B4GALT1: variants seen among roughly 807,000 people sequenced by gnomAD.
The protein encoded by B4GALT1 is N-acetyllactosamine synthase.
A neutral mutation model predicts 34.9 loss-of-function variants in B4GALT1; 16 were observed. The observed-to-expected ratio is 0.46, with a 90% CI of 0.31 to 0.70. The LOEUF (loss-of-function observed/expected upper bound fraction) is 0.70, where lower values mean the gene tolerates loss of function less well. Ranked by LOEUF, B4GALT1 falls within the 30% of genes least tolerant of loss-of-function variation. The pLI is 0.05. For synonymous variants in B4GALT1, 221 were observed against 218.1 expected, an observed-to-expected ratio of 1.01 and a Z score of -0.12; for missense variants, 445 against 530.5, an observed-to-expected ratio of 0.84 and a Z score of 1.58.
intron 1 of B4GALT1, among the ~76,000 whole-genome samples, chr9:33,135,890 A>AGTGTGT (rs112875696): frequency 0.043 from 4,442 of 104,028 alleles, 110 homozygotes; most frequent in Non-Finnish European, 0.06. Context: ...TAACTGGGGA[A>AGTGTGT]GTGTGTGTGT....
chr9:33,135,505 G>A, intron 1 of B4GALT1, 81 bp from the exon 2 acceptor site: 5 of 1,327,878 alleles, frequency 3.8e-6, no homozygotes, highest in Non-Finnish European at 5.3e-6. Context: ...TGGCCAGGCT[G>A]CAGCTGCAGC....
intron 3 of B4GALT1, 87 bp downstream of exon 3, chr9:33,120,332 G>A (rs2118054087): frequency 1.4e-6 from 2 of 1,453,848 alleles, no homozygotes; most frequent in South Asian, 1.1e-5. Flanking sequence ...AGCTTAAAGA[G>A]GCACTCTTGA....
At chr9:33,150,300 T>C (rs974364285) in intron 1 of B4GALT1, among the ~76,000 whole-genome samples, 3 of 136,230 alleles carry the variant, frequency 2.2e-5, no homozygotes, top group African/African-American at 8.2e-5. Context: ...AAGGAAAAAG[T>C]AAATATAGTA....
intron 1 of B4GALT1, among the ~76,000 whole-genome samples, chr9:33,147,308 T>G (rs1215182835): frequency 1.3e-5 from 2 of 150,544 alleles, no homozygotes; most frequent in African/African-American, 4.9e-5. Context: ...TGGAGTGCAA[T>G]GTGCCATCCC....
intron 1 of B4GALT1, among the ~76,000 whole-genome samples, chr9:33,135,890 A>AGAGTGTGTGTGTGT (rs1554686806): frequency 2.4e-4 from 25 of 104,154 alleles, no homozygotes; most frequent in East Asian, 1.7e-3. Context: ...TAACTGGGGA[A>AGAGTGTGTGTGTGT]GTGTGTGTGT....
rs756010251 is a variant in B4GALT1, at chr9:33,113,616, C to CT, written c.1065-31dup. The CT allele has an allele frequency of 3.7e-5, 60 of 1,614,046 alleles. No individual in the cohort carries two copies. In the East Asian group the frequency reaches 1.2e-3, roughly 32 times the overall value. On this transcript the variant is annotated intron_variant, in intron 5 of 5. Transcript: ENST00000379731. ...AAGGAAAAGAGCACAAGGAGATTGT[C>CT]TTAAAACAAAAATCTTAAGAAGAAA...
intron 1 of B4GALT1, among the ~76,000 whole-genome samples, chr9:33,137,426 C>T (rs938442625): frequency 6.6e-6 from 1 of 152,182 alleles, no homozygotes; most frequent in African/African-American, 2.4e-5. Flanking sequence ...TCTGGTCATG[C>T]ACCTCCCTCC....
At chr9:33,144,940 C>T (rs529207962) in intron 1 of B4GALT1, among the ~76,000 whole-genome samples, 1 of 152,288 alleles carries the variant, frequency 6.6e-6, no homozygotes, top group South Asian at 2.1e-4. Flanking sequence ...GAGCTGGGAG[C>T]CATCTTGCCT....
chr9:33,162,390 C>A (rs569426745), intron 1 of B4GALT1, among the ~76,000 whole-genome samples: 1 of 152,128 alleles, frequency 6.6e-6, no homozygotes, highest in Non-Finnish European at 1.5e-5. Context: ...ATTAAGAGTT[C>A]CTGAAGAGGA....
chr9:33,117,924 C>T (rs988032132), intron 3 of B4GALT1, among the ~76,000 whole-genome samples: 1 of 152,200 alleles, frequency 6.6e-6, no homozygotes, highest in African/African-American at 2.4e-5. Context: ...AAGTACATGC[C>T]AAGCTGACAT....
intron 3 of B4GALT1, among the ~76,000 whole-genome samples, chr9:33,116,658 G>A (rs1234755252): frequency 6.6e-6 from 1 of 151,808 alleles, no homozygotes; most frequent in Non-Finnish European, 1.5e-5. Context: ...AAGTAGCTGG[G>A]ACTACAGGCG....
chr9:33,167,912 G>A (rs958708238), upstream of B4GALT1, among the ~76,000 whole-genome samples: 2 of 152,232 alleles, frequency 1.3e-5, no homozygotes, highest in Non-Finnish European at 2.9e-5. Flanking sequence ...CTTAACGGGG[G>A]GTCCTGCGGC....
At chr9:33,104,966 T>C (rs1243391878) in intron 2 of B4GALT1, among the ~76,000 whole-genome samples, 1 of 151,886 alleles carries the variant, frequency 6.6e-6, no homozygotes, top group Non-Finnish European at 1.5e-5. Flanking sequence ...ATTACAGGCA[T>C]GTGCCACCAC....
chr9:33,170,506 T>C (rs1450368013), upstream of B4GALT1, among the ~76,000 whole-genome samples: 2 of 152,120 alleles, frequency 1.3e-5, no homozygotes, highest in Non-Finnish European at 2.9e-5. Context: ...GAAATGGGGA[T>C]GTGTCTTCCA....
chr9:33,107,098 A>G (rs1314748365), downstream of B4GALT1, among the ~76,000 whole-genome samples: 2 of 152,110 alleles, frequency 1.3e-5, no homozygotes, highest in African/African-American at 4.8e-5. Flanking sequence ...CCTGTCACTC[A>G]TAACAACCTC....
chr9:33,104,957 T>C (rs1216171684), intron 2 of B4GALT1, among the ~76,000 whole-genome samples: 1 of 151,860 alleles, frequency 6.6e-6, no homozygotes, highest in South Asian at 2.1e-4. Flanking sequence ...GTGCCTGGGA[T>C]TACAGGCATG....
chr9:33,139,190 G>C (rs1840313094), intron 1 of B4GALT1, among the ~76,000 whole-genome samples: 1 of 152,142 alleles, frequency 6.6e-6, no homozygotes, highest in Admixed American at 6.5e-5. Context: ...GGAGGAGTGG[G>C]TTGAGGTAGG....
At chr9:33,117,388 T>G in intron 3 of B4GALT1, among the ~76,000 whole-genome samples, 1 of 152,264 alleles carries the variant, frequency 6.6e-6, no homozygotes, top group East Asian at 1.9e-4. Context: ...TTTTGTATTT[T>G]AATATTTCAG....
chr9:33,133,627 G>A (rs1840225229), intron 2 of B4GALT1, among the ~76,000 whole-genome samples: 1 of 152,192 alleles, frequency 6.6e-6, no homozygotes, highest in African/African-American at 2.4e-5. Context: ...ATTCTTCCAA[G>A]GTGACCCACA....
Sources: gnomAD v4.1 joint callset for allele counts (sites outside exome capture counted in the v4.1 genomes callset) on GRCh38, gnomAD v4.1.1 for gene constraint, MANE v1.5 for transcripts, NCBI Gene and HGNC (gene_info 2026-07-23, HGNC 2026-07-21) for gene names.